The following ZKSCAN7 variants were observed in gnomAD, a reference collection of about 807,000 sequenced individuals.
ZKSCAN7 encodes the protein zinc finger protein with KRAB and SCAN domains 7.
A neutral mutation model predicts 65.3 loss-of-function variants in ZKSCAN7; 38 were observed. The observed-to-expected ratio is 0.58, with a 90% CI of 0.45 to 0.76. The LOEUF (loss-of-function observed/expected upper bound fraction) is 0.76. Among genes scored for constraint, ZKSCAN7 ranks in the 30% least tolerant of loss-of-function variants. The probability of loss-of-function intolerance (pLI) is 0.00; values close to 1 mark genes in which losing one functional copy is unlikely to be tolerated. For missense variants in ZKSCAN7, 815 were observed against 913.3 expected (o/e 0.89, Z 1.39); for synonymous variants, 321 against 321.0 (o/e 1.00, Z 0.00).
chr3:44,559,618 G>T (rs777251471), intron 2 of ZKSCAN7, among the ~76,000 whole-genome samples: 10 of 152,140 alleles, frequency 6.6e-5, no homozygotes, highest in Non-Finnish European at 1.3e-4. Flanking sequence ...GTAGAGACGG[G>T]GTTTCACCAT....
chr3:44,573,302 G>C (rs1034170298), downstream of ZKSCAN7, among the ~76,000 whole-genome samples: 5 of 152,186 alleles, frequency 3.3e-5, no homozygotes, highest in African/African-American at 1.2e-4. Flanking sequence ...AGGTTTAGAG[G>C]ATCCACAGTG....
At chr3:44,574,619 G>A (rs1337033790), downstream of ZKSCAN7, among the ~76,000 whole-genome samples, 1 of 152,162 alleles carries the variant, frequency 6.6e-6, no homozygotes, top group African/African-American at 2.4e-5. Context: ...AGGAAGCAGG[G>A]TAATATAGTG....
Position 44,570,807 on chromosome 3 carries a change from T to C in ZKSCAN7, c.1697T>C (p.Leu566Pro). The stretch of plus-strand genomic sequence containing the variant: ...AAAGCCTTCAGTCGGAGTAAATGTC[T>C]TATTCGACATCAGAGCCTCCATACT... ...CGKAFSRSKC[L>P]IRHQSLHTGE... is the part of the protein sequence containing the mutation. Residue 566 changes from leucine (L) to proline (P), a missense_variant, in exon 6 of 6, where the codon CTT becomes CCT. Physicochemically the swap from Leu to Pro is moderately conservative, Grantham distance 98. This residue lies in a region of ZKSCAN7 where 578 missense variants were observed against 629.5 expected (regional missense o/e 0.92). Transcript: ENST00000426540. The C allele has an allele frequency of 6.2e-7, 1 of 1,614,216 alleles. No individual in the cohort carries two copies.
chr3:44,556,876 A>G, intron 1 of ZKSCAN7, 54 bp from the exon 2 acceptor site: 1 of 872,512 alleles, frequency 1.1e-6, no homozygotes, highest in Non-Finnish European at 1.8e-6. Flanking sequence ...GAGGATTGTC[A>G]TCAGCCTGGG....
intron 5 of ZKSCAN7, chr3:44,579,973 C>T (rs1700026572): frequency 2.7e-6 from 4 of 1,466,062 alleles, no homozygotes; most frequent in Non-Finnish European, 2.8e-6. Flanking sequence ...GGGAGAGGAG[C>T]TTGGGGGGGG....
chr3:44,582,969 C>T (rs764779899), intron 5 of ZKSCAN7: 88 of 446,714 alleles, frequency 2.0e-4, no homozygotes, highest in African/African-American at 7.5e-4. Context: ...TCTTGTCTTC[C>T]AGGCTGGAGT....
chr3:44,580,359 C>G (rs1700042723), intron 5 of ZKSCAN7: 1 of 1,609,502 alleles, frequency 6.2e-7, no homozygotes, highest in Non-Finnish European at 8.5e-7. Context: ...CTGGCTCTGG[C>G]TGGGACTCTG....
At chr3:44,579,954 G>T in intron 5 of ZKSCAN7, 1 of 1,584,988 alleles carries the variant, frequency 6.3e-7, no homozygotes. Context: ...GGGGGAAGCC[G>T]AGGCGTCTGG....
At chr3:44,559,511 C>A (rs774193254) in intron 2 of ZKSCAN7, among the ~76,000 whole-genome samples, 5 of 152,182 alleles carry the variant, frequency 3.3e-5, no homozygotes, top group African/African-American at 7.2e-5. Flanking sequence ...ACTGCAACCT[C>A]TGCCTCCTGG....
chr3:44,563,622 A>G (rs771258491), intron 2 of ZKSCAN7, among the ~76,000 whole-genome samples: 1 of 147,266 alleles, frequency 6.8e-6, no homozygotes, highest in Non-Finnish European at 1.5e-5. Flanking sequence ...TCACTATTAC[A>G]AGAACAGCAA....
rs925094248 is a variant in ZKSCAN7 at position 44,570,192 on chromosome 3, G to A, written c.1082G>A (p.Gly361Glu). The A allele has an allele frequency of 5.0e-6, 8 of 1,614,056 alleles. No individual in the cohort carries two copies. The Admixed American group carries it at 5.0e-5, about 10-fold the overall frequency. ...AGATATGACAAATATAAGGAAGTTG[G>A]GGAACATCCACCTCTGTCTTCCAGT... ...KDRYDKYKEV[G>E]EHPPLSSSPV... is the part of the protein sequence containing the mutation. The change falls in exon 6 of 6, where the codon GGG becomes GAG. Residue 361 changes from glycine (G) to glutamate (E), a missense_variant. Gly to Glu is a moderately conservative substitution (Grantham distance 98). This residue lies in a region of ZKSCAN7 where 578 missense variants were observed against 629.5 expected (regional missense o/e 0.92). Coordinates refer to ENST00000426540, the MANE Select transcript of ZKSCAN7 (RefSeq NM_001288590.2).
chr3:44,562,068 C>A (rs543606695), intron 2 of ZKSCAN7, among the ~76,000 whole-genome samples: 1 of 152,372 alleles, frequency 6.6e-6, no homozygotes, highest in African/African-American at 2.4e-5. Context: ...GAGGTTTTTC[C>A]ATGACAGTTT....
Position 44,555,343 on chromosome 3 carries a change from G to T in ZKSCAN7, c.-257G>T, listed in dbSNP as rs1344381550. On this transcript the variant is annotated 5_prime_UTR_variant, in exon 1 of 6. Transcript: ENST00000426540. ...GGCCAGGACCGCGCTTCTTCCCGGCGGCAGGCGGCGCGGTCCCCGTGACTC... is the reference window on the plus strand; with the variant it reads ...GGCCAGGACCGCGCTTCTTCCCGGCTGCAGGCGGCGCGGTCCCCGTGACTC... The T allele has an allele frequency of 6.6e-6, 1 of 152,272 alleles. No individual in the cohort carries two copies. The highest frequency in any genetic ancestry group is 1.5e-5 in the Non-Finnish European group (1 of 68,056). 9.4% of individuals were successfully genotyped at this position (152,272 alleles called of 1,614,324 possible). A position where few individuals can be genotyped will look rare whatever the true frequency, so the allele number is the denominator to read the frequency against.
intron 2 of ZKSCAN7, among the ~76,000 whole-genome samples, chr3:44,563,072 G>T (rs1699529896): frequency 6.6e-6 from 1 of 152,036 alleles, no homozygotes; most frequent in South Asian, 2.1e-4. Context: ...GCAAAATGCT[G>T]CTGGTCTCTT....
chr3:44,567,172 AAAAGAAAAG>A (rs1699658761), intron 3 of ZKSCAN7, among the ~76,000 whole-genome samples: 1 of 39,890 alleles, frequency 2.5e-5, no homozygotes, highest in Non-Finnish European at 5.4e-5. Context: ...AAGAGAAGAG[AAAAGAAAAG>A]AGAGAAAAGA....
chr3:44,558,174 GGTGT>G (rs113889875), intron 2 of ZKSCAN7, among the ~76,000 whole-genome samples: 53 of 148,498 alleles, frequency 3.6e-4, no homozygotes, highest in Middle Eastern at 3.5e-3. Context: ...AGGAGAGAGG[GGTGT>G]GTGTGTGTGT....
chr3:44,560,301 C>G (rs539460464), intron 2 of ZKSCAN7, among the ~76,000 whole-genome samples: 2 of 151,726 alleles, frequency 1.3e-5, no homozygotes, highest in South Asian at 4.2e-4. Flanking sequence ...AATGAATAAA[C>G]AAGCTTTTCC....
chr3:44,561,423 A>G (rs1433503495), intron 2 of ZKSCAN7, among the ~76,000 whole-genome samples: 4 of 152,168 alleles, frequency 2.6e-5, no homozygotes, highest in Non-Finnish European at 5.9e-5. Context: ...ACAAATCTAA[A>G]CCACTATTAT....
At chr3:44,577,999 T>C (rs1259011182) in intron 5 of ZKSCAN7, among the ~76,000 whole-genome samples, 1 of 152,222 alleles carries the variant, frequency 6.6e-6, no homozygotes, top group Non-Finnish European at 1.5e-5. Flanking sequence ...CTCTTGGACC[T>C]GATGTTTCTG....
Sources: allele counts gnomAD v4.1 joint callset (sites outside exome capture counted in the v4.1 genomes callset), GRCh38; gene constraint gnomAD v4.1.1; regional missense constraint gnomAD v4.1.1; transcripts MANE v1.5; gene names NCBI Gene and HGNC (gene_info 2026-07-23, HGNC 2026-07-21).